MLLT3: variants seen among roughly 807,000 people sequenced by gnomAD.
The protein encoded by MLLT3 is MLLT3 super elongation complex subunit.
A neutral mutation model predicts 53.2 loss-of-function variants in MLLT3; 4 were observed. That is an observed-to-expected ratio of 0.08 (90% CI 0.04 to 0.17). The LOEUF (loss-of-function observed/expected upper bound fraction) is 0.17. MLLT3 is among the 10% of genes least tolerant of loss of function. The probability of loss-of-function intolerance (pLI) is 1.00; values close to 1 mark genes in which losing one functional copy is unlikely to be tolerated. For missense variants in MLLT3, 569 were observed against 684.0 expected, an observed-to-expected ratio of 0.83 and a Z score of 1.87; for synonymous variants, 283 against 230.6, an observed-to-expected ratio of 1.23 and a Z score of -2.06.
At chr9:20,431,384 T>C (rs1823264439) in intron 4 of MLLT3, among the ~76,000 whole-genome samples, 1 of 152,240 alleles carries the variant, frequency 6.6e-6, no homozygotes, top group African/African-American at 2.4e-5. Context: ...CCCTAGAGTT[T>C]GGGAACCACT....
At chr9:20,407,143 T>C (rs1822599510) in intron 5 of MLLT3, among the ~76,000 whole-genome samples, 1 of 152,236 alleles carries the variant, frequency 6.6e-6, no homozygotes, top group Non-Finnish European at 1.5e-5. Flanking sequence ...AACATGAATT[T>C]ACAAAATGTA....
intron 2 of MLLT3, among the ~76,000 whole-genome samples, chr9:20,477,441 C>T (rs1824552699): frequency 6.6e-6 from 1 of 152,072 alleles, no homozygotes; most frequent in Admixed American, 6.6e-5. Context: ...ACATCCCCAA[C>T]TAAAAATCTT....
chr9:20,562,223 A>C (rs1819235224), intron 2 of MLLT3, among the ~76,000 whole-genome samples: 1 of 152,120 alleles, frequency 6.6e-6, no homozygotes, highest in Admixed American at 6.6e-5. Flanking sequence ...TTTCACAATC[A>C]CTATAAGTTT....
Position 20,414,402 on chromosome 9 carries a change from G to A in MLLT3, c.444C>T (p.Thr148=), listed in dbSNP as rs372731538. The part of the protein sequence containing the change: ...AGGDPNRSIH[T]SSSSSSSSSS... ...TACTGCTGCTGCTGCTGCTGCTGCT[G>A]GTATGAATACTCCTATTAGGGTCCT... The change falls in exon 5 of 11, where the codon ACC becomes ACT. Residue 148 remains threonine, a synonymous_variant. Transcript: ENST00000380338. 5.6e-6 allele frequency: 9 copies of A among 1,607,812 alleles called. No individual in the cohort carries two copies. The highest frequency in any genetic ancestry group is 7.6e-6 in the Non-Finnish European group (9 of 1,179,814).
At chr9:20,600,495 C>A (rs902731165) in intron 2 of MLLT3, among the ~76,000 whole-genome samples, 10 of 152,168 alleles carry the variant, frequency 6.6e-5, no homozygotes, top group Middle Eastern at 3.2e-3. Flanking sequence ...AAGGATGTAT[C>A]CTTCTTTTCC....
At chr9:20,591,496 C>T (rs536657219) in intron 2 of MLLT3, among the ~76,000 whole-genome samples, 1 of 152,150 alleles carries the variant, frequency 6.6e-6, no homozygotes, top group Admixed American at 6.5e-5. Flanking sequence ...TGTTAAAAAC[C>T]ATCTGTGAAT....
chr9:20,436,863 T>G (rs1563965201), intron 4 of MLLT3, among the ~76,000 whole-genome samples: 1 of 152,184 alleles, frequency 6.6e-6, no homozygotes, highest in Non-Finnish European at 1.5e-5. Flanking sequence ...TTAAAAATAA[T>G]GAAAGTGTTC....
At chr9:20,581,109 C>G (rs188569715) in intron 2 of MLLT3, among the ~76,000 whole-genome samples, 145 of 152,302 alleles carry the variant, frequency 9.5e-4, no homozygotes, top group African/African-American at 3.2e-3. Context: ...TTTAGGACTG[C>G]TGAACGAACC....
chr9:20,442,470 C>G (rs975203250), intron 4 of MLLT3, among the ~76,000 whole-genome samples: 72 of 152,272 alleles, frequency 4.7e-4, no homozygotes, highest in African/African-American at 1.7e-3. Context: ...TGTCATGATG[C>G]ACTGTGTGTA....
intron 5 of MLLT3, among the ~76,000 whole-genome samples, chr9:20,374,167 G>A (rs1007406264): frequency 2.6e-5 from 4 of 152,186 alleles, no homozygotes; most frequent in African/African-American, 9.7e-5. Flanking sequence ...AAGATTGTTT[G>A]AAGCCAGGAG....
At chr9:20,556,118 T>C (rs1472485191) in intron 2 of MLLT3, among the ~76,000 whole-genome samples, 1 of 152,216 alleles carries the variant, frequency 6.6e-6, no homozygotes, top group South Asian at 2.1e-4. Context: ...TTATAAAGAA[T>C]AAAACACCTG....
chr9:20,603,342 C>A (rs1820482734), intron 2 of MLLT3, among the ~76,000 whole-genome samples: 2 of 152,126 alleles, frequency 1.3e-5, no homozygotes, highest in African/African-American at 4.8e-5. Flanking sequence ...ACCACTTTTA[C>A]CTCTTAGGTC....
At chr9:20,463,696 T>A (rs1164935267) in intron 2 of MLLT3, among the ~76,000 whole-genome samples, 2 of 152,152 alleles carry the variant, frequency 1.3e-5, no homozygotes, top group Non-Finnish European at 2.9e-5. Flanking sequence ...AGAAAAACTG[T>A]ATCTTCAGAG....
intron 5 of MLLT3, among the ~76,000 whole-genome samples, chr9:20,404,076 C>T (rs1373630475): frequency 1.3e-5 from 2 of 152,190 alleles, no homozygotes; most frequent in Non-Finnish European, 2.9e-5. Flanking sequence ...TCACCTTGGC[C>T]TCCCAAAGTG....
chr9:20,596,709 T>TA (rs1820278351), intron 2 of MLLT3, among the ~76,000 whole-genome samples: 1 of 151,984 alleles, frequency 6.6e-6, no homozygotes, highest in African/African-American at 2.4e-5. Context: ...AATAAATAAA[T>TA]AAAATAAAAT....
At chr9:20,579,485 G>C (rs899115241) in intron 2 of MLLT3, among the ~76,000 whole-genome samples, 1 of 151,888 alleles carries the variant, frequency 6.6e-6, no homozygotes, top group Non-Finnish European at 1.5e-5. Context: ...CTTCTACAAA[G>C]AGCCCATGAG....
In MLLT3 at chr9:20,597,471, G is replaced by C. The variant is rs1820303764; in HGVS notation, c.193+23183C>G. ...TGTATAGACATCATATTAAAAATCTGAATAAGATTTCCTTTACAACAAATT... is the reference window on the plus strand; with the variant it reads ...TGTATAGACATCATATTAAAAATCTCAATAAGATTTCCTTTACAACAAATT... On this transcript the variant is annotated intron_variant, in intron 2 of 10. Transcript: ENST00000380338. Among the ~76,000 whole-genome samples, 4 of 152,046 alleles carry C rather than the reference G, an allele frequency of 2.6e-5. No homozygotes were observed. In the South Asian group the frequency reaches 8.3e-4, roughly 32 times the overall value.
chr9:20,393,859 A>C (rs1490800004), intron 5 of MLLT3, among the ~76,000 whole-genome samples: 1 of 152,210 alleles, frequency 6.6e-6, no homozygotes, highest in East Asian at 1.9e-4. Flanking sequence ...GTAACTTGAG[A>C]TATATTTATA....
intron 8 of MLLT3, among the ~76,000 whole-genome samples, chr9:20,356,951 T>G (rs1466214289): frequency 4.6e-5 from 7 of 152,200 alleles, no homozygotes; most frequent in Admixed American, 4.6e-4. Context: ...CAGTTAATCT[T>G]CCTTCTTTGA....
Sources: allele counts gnomAD v4.1 joint callset (sites outside exome capture counted in the v4.1 genomes callset), GRCh38; gene constraint gnomAD v4.1.1; transcripts MANE v1.5; gene names NCBI Gene and HGNC (gene_info 2026-07-23, HGNC 2026-07-21).